The following C12orf42 variants were observed in gnomAD, a reference collection of about 807,000 sequenced individuals.
C12orf42 encodes the protein uncharacterized protein C12orf42.
A neutral mutation model predicts 21.6 loss-of-function variants in C12orf42; 25 were observed. The observed-to-expected ratio is 1.16, with a 90% CI of 0.84 to 1.62. The LOEUF (loss-of-function observed/expected upper bound fraction) is 1.62. Ranked by LOEUF, C12orf42 falls within the 40% of genes most tolerant of loss-of-function variation. The probability of loss-of-function intolerance (pLI) is 0.00; values close to 1 mark genes in which losing one functional copy is unlikely to be tolerated. For missense variants in C12orf42, 483 were observed against 459.3 expected, an observed-to-expected ratio of 1.05 and a Z score of -0.47; for synonymous variants, 174 against 175.0, an observed-to-expected ratio of 0.99 and a Z score of 0.05.
the C12orf42 span, among the ~76,000 whole-genome samples, chr12:103,562,911 G>A: frequency 1.4e-4 from 21 of 152,170 alleles, 1 homozygote; most frequent in South Asian, 4.2e-4. Flanking sequence ...CACATTAACC[G>A]GACCCCTAAA....
chr12:103,193,958 A>C, the C12orf42 span, among the ~76,000 whole-genome samples: 2 of 152,142 alleles, frequency 1.3e-5, no homozygotes, highest in South Asian at 4.1e-4. Flanking sequence ...TTCAAACCAC[A>C]TTAGAAGCAT....
the C12orf42 span, among the ~76,000 whole-genome samples, chr12:103,201,800 G>C: frequency 6.6e-6 from 1 of 152,152 alleles, no homozygotes; most frequent in African/African-American, 2.4e-5. Context: ...ATGCGTTGAT[G>C]TTGTGAGTTG....
At chr12:103,079,723 T>C in the C12orf42 span, among the ~76,000 whole-genome samples, 1 of 152,208 alleles carries the variant, frequency 6.6e-6, no homozygotes, top group East Asian at 1.9e-4. Flanking sequence ...ATCATAGTCA[T>C]TTAGGGACTC....
At chr12:103,513,863 A>G in the C12orf42 span, among the ~76,000 whole-genome samples, 1 of 152,224 alleles carries the variant, frequency 6.6e-6, no homozygotes, top group Non-Finnish European at 1.5e-5. Context: ...AAAAAAAAAA[A>G]CAAGTATATG....
At chr12:103,527,130 G>C in the C12orf42 span, among the ~76,000 whole-genome samples, 2 of 152,032 alleles carry the variant, frequency 1.3e-5, no homozygotes, top group African/African-American at 4.8e-5. Flanking sequence ...TGGGCAACGA[G>C]ATGGGAAGCA....
the C12orf42 span, among the ~76,000 whole-genome samples, chr12:103,077,306 A>G: frequency 6.6e-6 from 1 of 152,194 alleles, no homozygotes; most frequent in Non-Finnish European, 1.5e-5. Context: ...AAGTGCAAAT[A>G]TTTAAAAATT....
the C12orf42 span, among the ~76,000 whole-genome samples, chr12:103,216,803 A>T: frequency 3.3e-5 from 5 of 151,936 alleles, no homozygotes; most frequent in African/African-American, 1.2e-4. Context: ...CTGAGGACAA[A>T]CACCAAGTCC....
At chr12:103,091,017 T>C in the C12orf42 span, among the ~76,000 whole-genome samples, 1 of 152,082 alleles carries the variant, frequency 6.6e-6, no homozygotes, top group Non-Finnish European at 1.5e-5. Flanking sequence ...ACCACTTGCT[T>C]CCTTTTTTAT....
At chr12:103,225,419 G>A in the C12orf42 span, among the ~76,000 whole-genome samples, 1 of 152,190 alleles carries the variant, frequency 6.6e-6, no homozygotes, top group Non-Finnish European at 1.5e-5. Context: ...TGCGGGACGG[G>A]ATATTGGCGT....
At chr12:103,528,221 TCAG>T in the C12orf42 span, among the ~76,000 whole-genome samples, 1 of 151,906 alleles carries the variant, frequency 6.6e-6, no homozygotes, top group African/African-American at 2.4e-5. Context: ...ATGAAAGAAG[TCAG>T]GAAGAGAAGA....
chr12:103,354,312 A>C (rs2043341928), intron 4 of C12orf42, among the ~76,000 whole-genome samples: 1 of 152,146 alleles, frequency 6.6e-6, no homozygotes, highest in African/African-American at 2.4e-5. Context: ...ACGGCTTCCA[A>C]GTGAAATTGG....
intron 4 of C12orf42, among the ~76,000 whole-genome samples, chr12:103,317,797 A>G (rs2039666264): frequency 6.6e-6 from 1 of 152,220 alleles, no homozygotes; most frequent in Non-Finnish European, 1.5e-5. Context: ...TTTGTAGGTC[A>G]AAAATGGTCA....
At chr12:103,506,020 C>T in the C12orf42 span, 1 of 209,950 alleles carries the variant, frequency 4.8e-6, no homozygotes, top group Non-Finnish European at 9.4e-6. Flanking sequence ...ACACAGTCTC[C>T]TTCTGTGGCC....
At chr12:103,334,098 T>C (rs1306828700) in intron 4 of C12orf42, among the ~76,000 whole-genome samples, 1 of 152,248 alleles carries the variant, frequency 6.6e-6, no homozygotes, top group East Asian at 1.9e-4. Context: ...TTTTTCCATA[T>C]TGTTTCTTTT....
At chr12:103,067,541 G>A in the C12orf42 span, among the ~76,000 whole-genome samples, 3 of 152,116 alleles carry the variant, frequency 2.0e-5, no homozygotes, top group Non-Finnish European at 4.4e-5. Flanking sequence ...GGTACTTTCT[G>A]TTTCTCCCAT....
At chr12:103,550,895 C>A in the C12orf42 span, among the ~76,000 whole-genome samples, 1 of 151,828 alleles carries the variant, frequency 6.6e-6, no homozygotes, top group African/African-American at 2.4e-5. Context: ...CTGTTGCAAG[C>A]AATGCTTTTT....
intron 2 of C12orf42, among the ~76,000 whole-genome samples, chr12:103,408,923 T>G (rs1441723549): frequency 1.3e-5 from 2 of 152,222 alleles, no homozygotes; most frequent in Non-Finnish European, 2.9e-5. Flanking sequence ...AATTTCATTA[T>G]AAATAAATGC....
intron 1 of C12orf42, among the ~76,000 whole-genome samples, chr12:103,481,604 T>C (rs1954474966): frequency 6.6e-6 from 1 of 151,860 alleles, no homozygotes; most frequent in Non-Finnish European, 1.5e-5. Context: ...AACATTTTTG[T>C]TCCTTATGGT....
At chr12:103,135,870 A>C in the C12orf42 span, among the ~76,000 whole-genome samples, 2 of 152,348 alleles carry the variant, frequency 1.3e-5, no homozygotes, top group Middle Eastern at 3.4e-3. Context: ...CTTCATGATA[A>C]AAACTCTCAA....
Sources: allele counts gnomAD v4.1 joint callset (sites outside exome capture counted in the v4.1 genomes callset), GRCh38; gene constraint gnomAD v4.1.1; transcripts MANE v1.5; gene names NCBI Gene and HGNC (gene_info 2026-07-23, HGNC 2026-07-21).